Variants in SACS observed in about 807,000 individuals in gnomAD.
The protein encoded by SACS is sacsin molecular chaperone.
A neutral mutation model predicts 348.0 loss-of-function variants in SACS; 197 were observed. The observed-to-expected ratio is 0.57, with a 90% CI of 0.50 to 0.64. The LOEUF is 0.64. Ranked by LOEUF, SACS falls within the 30% of genes least tolerant of loss-of-function variation. The probability of loss-of-function intolerance (pLI) is 0.00; values close to 1 mark genes in which losing one functional copy is unlikely to be tolerated. For missense variants in SACS, 4,999 were observed against 5,360.8 expected (o/e 0.93, Z 2.11); for synonymous variants, 1,985 against 1,910.6 (o/e 1.04, Z -1.02).
At chr13:23,363,620 A>T (rs921550019) in intron 6 of SACS, among the ~76,000 whole-genome samples, 11 of 152,226 alleles carry the variant, frequency 7.2e-5, no homozygotes, top group Non-Finnish European at 1.6e-4. Flanking sequence ...ATGTTTTTTA[A>T]AACAAGGTGA....
chr13:23,348,138 A>G (rs1869730947), intron 9 of SACS, among the ~76,000 whole-genome samples: 1 of 152,226 alleles, frequency 6.6e-6, no homozygotes, highest in Non-Finnish European at 1.5e-5. Context: ...ATATCCATCC[A>G]TTTACTTAAG....
At chr13:23,402,953 A>G (rs1034326698) in intron 2 of SACS, among the ~76,000 whole-genome samples, 4 of 125,852 alleles carry the variant, frequency 3.2e-5, no homozygotes, top group Admixed American at 1.5e-4. Flanking sequence ...CAAGGCAGGC[A>G]GATCACTAGG....
chr13:23,333,588 A>G lies in SACS; in HGVS notation c.10288T>C (p.Tyr3430His). The G allele has an allele frequency of 6.2e-7, 1 of 1,613,784 alleles. No homozygotes were observed. Residue 3430 changes from tyrosine to histidine, a missense_variant, in exon 10 of 10, where the codon TAC becomes CAC. By Grantham distance (83) the Tyr-to-His change is moderately conservative. Around this residue, in one of 6 missense-constraint regions of SACS, gnomAD observed 734 missense variants for 694.0 expected, o/e 1.06. Transcript: ENST00000382292. Reference protein sequence around the residue: ...YVSIGKFGTCYVLTKSIPSAE... With the variant: ...YVSIGKFGTCHVLTKSIPSAE... ...GAAGGGATACTTTTTGTAAGTACGT[A>G]GCATGTTCCAAATTTTCCAATGCTT...
chr13:23,429,111 C>T (rs1236702839), intron 1 of SACS, among the ~76,000 whole-genome samples: 1 of 151,980 alleles, frequency 6.6e-6, no homozygotes, highest in South Asian at 2.1e-4. Context: ...ATGTGAATAT[C>T]TCAAAGCTGC....
chr13:23,359,909 A>G (rs1183921003), intron 6 of SACS, among the ~76,000 whole-genome samples: 2 of 152,190 alleles, frequency 1.3e-5, no homozygotes, highest in Admixed American at 1.3e-4. Flanking sequence ...AGTTTGTTTT[A>G]CAAAAATGGC....
At chr13:23,344,906 TTTTA>T (rs1394165503) in intron 9 of SACS, among the ~76,000 whole-genome samples, 2 of 152,248 alleles carry the variant, frequency 1.3e-5, no homozygotes, top group African/African-American at 4.8e-5. Context: ...CTGCACTATT[TTTTA>T]TTGTTTACAT....
chr13:23,382,207 G>T (rs556811478), intron 2 of SACS, among the ~76,000 whole-genome samples: 111 of 152,300 alleles, frequency 7.3e-4, no homozygotes, highest in African/African-American at 2.6e-3. Context: ...AGGCTGGAGT[G>T]CAGTGGTGTG....
Position 23,332,679 on chromosome 13 carries a change from C to G in SACS, c.11197G>C (p.Val3733Leu). The stretch of plus-strand genomic sequence containing the variant: ...AGGTTAACATTAAGCATATTTAAAA[C>G]TTGTTCAAGCTGTTCTTGTGGACCA... ...DLGPQEQLEQVLNMLNVNLDP... is the reference protein window; with the variant it reads ...DLGPQEQLEQLLNMLNVNLDP... The change falls in exon 10 of 10, where the codon GTT (valine) becomes CTT (leucine). Residue 3733 changes from valine to leucine, a missense_variant. Physicochemically the swap from Val to Leu is conservative, Grantham distance 32 (BLOSUM62 1). Coordinates refer to ENST00000382292, the MANE Select transcript of SACS (RefSeq NM_014363.6). 1.2e-6 allele frequency: 2 copies of G among 1,613,892 alleles called. No individual in the cohort carries two copies. The highest frequency in any genetic ancestry group is 1.7e-6 in the Non-Finnish European group (2 of 1,179,936).
intron 1 of SACS, among the ~76,000 whole-genome samples, chr13:23,430,665 G>A (rs538698880): frequency 2.6e-5 from 4 of 152,304 alleles, no homozygotes; most frequent in African/African-American, 9.6e-5. Context: ...GGATTTAAAT[G>A]ATCACCAATA....
chr13:23,364,509 G>T (rs906975164), intron 6 of SACS, among the ~76,000 whole-genome samples: 9 of 152,166 alleles, frequency 5.9e-5, no homozygotes, highest in African/African-American at 2.2e-4. Flanking sequence ...CCAAACTCCT[G>T]ACCTCAGGTG....
chr13:23,431,450 G>A (rs1874429797), intron 1 of SACS, among the ~76,000 whole-genome samples: 1 of 152,164 alleles, frequency 6.6e-6, no homozygotes, highest in Admixed American at 6.5e-5. Context: ...AAGACGGCAG[G>A]AGAAAGACAC....
In SACS at chr13:23,328,910, A is replaced by T. The variant is rs1020688608; in HGVS notation, c.*1226T>A. 2.6e-5 allele frequency: 4 copies of T among 152,758 alleles called. No individual in the cohort carries two copies. Among genetic ancestry groups the T allele is most frequent in the African/African-American group, 9.6e-5 (4 of 41,458 alleles). 9.5% of individuals were successfully genotyped at this position (152,758 alleles called of 1,614,324 possible). ...ATAATTACATGATTTCACATCCAGAAGCAATAAAATGTGGAGGTGCAAACA... is the reference window on the plus strand; with the variant it reads ...ATAATTACATGATTTCACATCCAGATGCAATAAAATGTGGAGGTGCAAACA... On this transcript the variant is annotated 3_prime_UTR_variant, in exon 10 of 10. Coordinates refer to ENST00000382292, the MANE Select transcript of SACS (RefSeq NM_014363.6).
chr13:23,390,463 C>A (rs1274775190), intron 2 of SACS, among the ~76,000 whole-genome samples: 2 of 152,086 alleles, frequency 1.3e-5, no homozygotes, highest in Non-Finnish European at 2.9e-5. Flanking sequence ...AGTCCTAGAC[C>A]AGCCTGGGCA....
At position 23,334,734 on chromosome 13, in the gene SACS, G is replaced by GT; in HGVS notation, c.9141dup (p.Arg3048ThrfsTer10). 6.2e-7 allele frequency: 1 copy of GT among 1,613,698 alleles called. No homozygotes were observed. The highest frequency in any genetic ancestry group is 8.5e-7 in the Non-Finnish European group (1 of 1,179,742). On this transcript the variant is annotated frameshift_variant, in exon 10 of 10. Transcript: ENST00000382292. LOFTEE classifies it high-confidence loss of function. ...TAGACATTCTCTGCTACTGTTTTGCGTGTGGTGATATTATAATCTGCATTT... is the reference window on the plus strand; with the variant it reads ...TAGACATTCTCTGCTACTGTTTTGCGTTGTGGTGATATTATAATCTGCATTT...
chr13:23,338,595 G>C lies in SACS; in HGVS notation c.5281C>G (p.Gln1761Glu). 1 of 1,614,128 alleles carries C rather than the reference G, an allele frequency of 6.2e-7. No individual in the cohort carries two copies. Among genetic ancestry groups the C allele is most frequent in the Non-Finnish European group, 8.5e-7 (1 of 1,180,010 alleles). Reference sequence around the variant, plus strand: ...TGGTGAAATTCTTCCACTGTGATCTGAAGAATGCAAGATGACTTTGGTTCA... The same window carrying C: ...TGGTGAAATTCTTCCACTGTGATCTCAAGAATGCAAGATGACTTTGGTTCA... ...SDEPKSSCIL[Q>E]ITVEEFHHVF... The change falls in exon 10 of 10, where the codon CAG (glutamine) becomes GAG (glutamate). Residue 1761 changes from glutamine (Q) to glutamate (E), a missense_variant. This residue lies in a region of SACS where 3,156 missense variants were observed against 3,380.1 expected (regional missense o/e 0.93). Coordinates refer to ENST00000382292, the MANE Select transcript of SACS (RefSeq NM_014363.6).
Position 23,330,931 on chromosome 13 carries a change from C to T in SACS, c.12945G>A (p.Glu4315=). The change falls in exon 10 of 10, where the codon GAG becomes GAA. Residue 4315 remains glutamate, a synonymous_variant. Transcript: ENST00000382292. ...CCGATTCTGGAAGCTTCCATGCTTG[C>T]TCCACCACAGATGTCACTTCTTTTA... ...EILKEVTSVV[E]QAWKLPESER... 6.2e-7 allele frequency: 1 copy of T among 1,614,084 alleles called. No individual in the cohort carries two copies. The highest frequency in any genetic ancestry group is 8.5e-7 in the Non-Finnish European group (1 of 1,179,982).
chr13:23,359,139 G>A (rs1406185830), intron 6 of SACS, among the ~76,000 whole-genome samples: 2 of 151,960 alleles, frequency 1.3e-5, no homozygotes, highest in South Asian at 2.1e-4. Context: ...CCGAGATCGC[G>A]CCACCGCACT....
At chr13:23,379,009 T>C (rs1871930427) in intron 2 of SACS, among the ~76,000 whole-genome samples, 1 of 152,244 alleles carries the variant, frequency 6.6e-6, no homozygotes, top group Admixed American at 6.5e-5. Flanking sequence ...CTTCCAACTC[T>C]TGCTACTCTT....
At chr13:23,432,477 T>G (rs1422966307) in intron 1 of SACS, among the ~76,000 whole-genome samples, 3 of 152,126 alleles carry the variant, frequency 2.0e-5, no homozygotes, top group Non-Finnish European at 4.4e-5. Context: ...TGGGGATCGT[T>G]GTCACAGCCC....
Sources: allele counts gnomAD v4.1 joint callset (sites outside exome capture counted in the v4.1 genomes callset), GRCh38; gene constraint gnomAD v4.1.1; regional missense constraint gnomAD v4.1.1; transcripts MANE v1.5; gene names NCBI Gene and HGNC (gene_info 2026-07-23, HGNC 2026-07-21).